HYDIN: variants seen among roughly 807,000 people sequenced by gnomAD.
HYDIN encodes axonemal central pair apparatus protein HYDIN.
Under a neutral mutation model 403.9 loss-of-function variants are expected in HYDIN, and 132 were observed. The ratio of observed to expected loss-of-function variants is 0.33; its 90% CI spans 0.28 to 0.38. The LOEUF is 0.38. Among genes scored for constraint, HYDIN ranks in the 10% least tolerant of loss-of-function variants. HYDIN has a pLI of 1.00. For missense variants in HYDIN, 2,827 were observed against 5,009.5 expected, an observed-to-expected ratio of 0.56 and a Z score of 13.15; for synonymous variants, 1,202 against 1,891.7, an observed-to-expected ratio of 0.64 and a Z score of 9.46.
chr16:70,957,252 G>C (rs1424191304), intron 39 of HYDIN, among the ~76,000 whole-genome samples: 2 of 150,838 alleles, frequency 1.3e-5, no homozygotes, highest in Non-Finnish European at 2.9e-5. Flanking sequence ...TTGTCCTTTT[G>C]TGACTGTCCT....
intron 1 of HYDIN, chr16:71,203,579 C>T: frequency 2.7e-6 from 1 of 371,776 alleles, no homozygotes; most frequent in South Asian, 2.1e-5. Flanking sequence ...GTGCCAAGCA[C>T]AGTGAAGTAT....
intron 54 of HYDIN, 46 bp downstream of exon 54, chr16:70,895,935 A>G (rs765355037): frequency 2.3e-5 from 36 of 1,555,198 alleles, no homozygotes; most frequent in East Asian, 1.6e-4. Flanking sequence ...ACACTATACA[A>G]AAGACCCAAC....
At chr16:71,198,091 T>C (rs1269695953) in intron 1 of HYDIN, among the ~76,000 whole-genome samples, 1 of 152,228 alleles carries the variant, frequency 6.6e-6, no homozygotes, top group Non-Finnish European at 1.5e-5. Flanking sequence ...CTTAACATTA[T>C]ACTTTTGCCT....
rs1166151884 is a variant in HYDIN, at chr16:70,892,352, C to T, written c.9417+9G>A. The T allele has an allele frequency of 6.4e-7, 1 of 1,554,010 alleles. No homozygotes were observed. Among genetic ancestry groups the T allele is most frequent in the Non-Finnish European group, 8.7e-7 (1 of 1,155,648 alleles). ...ATTGAGGCAGCCCCTCCCTTTGGAG[C>T]TCTCTTACCTGACAGCGCAGAACAG... On this transcript the variant is annotated intron_variant, in intron 56 of 85. Coordinates refer to ENST00000393567, the MANE Select transcript of HYDIN (RefSeq NM_001270974.2).
At chr16:71,172,038 A>AT (rs1422140224) in intron 5 of HYDIN, among the ~76,000 whole-genome samples, 2 of 152,182 alleles carry the variant, frequency 1.3e-5, no homozygotes, top group African/African-American at 4.8e-5. Context: ...ATTGTGGACA[A>AT]TTTTATGATA....
intron 16 of HYDIN, 37 bp from the exon 17 acceptor site, chr16:71,062,370 A>G (rs767898297): frequency 5.2e-5 from 80 of 1,535,656 alleles, no homozygotes; most frequent in Non-Finnish European, 1.6e-5. Context: ...AGGACAGCAC[A>G]GCATGGAACA....
At chr16:71,059,517 C>T (rs1432604967) in intron 18 of HYDIN, among the ~76,000 whole-genome samples, 3 of 151,874 alleles carry the variant, frequency 2.0e-5, no homozygotes, top group East Asian at 1.9e-4. Flanking sequence ...GAAATCATGT[C>T]CTTTGCAGCA....
chr16:70,956,222 G>T, intron 39 of HYDIN, among the ~76,000 whole-genome samples: 1 of 144,736 alleles, frequency 6.9e-6, no homozygotes. Context: ...AATAACTTGT[G>T]TTGATTTCTT....
In HYDIN at chr16:70,858,042, T is replaced by C. The variant is rs1209699543; in HGVS notation, c.12130-172A>G. ...GGTGTGGCTGTACCAGAAATGTCAA[T>C]GTCTATCTGACCTGCCCACATGTCC... On this transcript the variant is annotated intron_variant, in intron 71 of 85. Transcript: ENST00000393567. 2.6e-5 allele frequency among the ~76,000 whole-genome samples: 4 copies of C among 152,334 alleles called. No homozygotes were observed. The East Asian group carries it at 5.8e-4, about 22-fold the overall frequency.
intron 1 of HYDIN, among the ~76,000 whole-genome samples, chr16:71,198,291 G>A (rs2087807931): frequency 6.6e-6 from 1 of 152,122 alleles, no homozygotes; most frequent in African/African-American, 2.4e-5. Context: ...TTTCCAACTT[G>A]AGGTTGTTTC....
chr16:70,930,462 C>T (rs1286140718), intron 45 of HYDIN, among the ~76,000 whole-genome samples: 2 of 151,838 alleles, frequency 1.3e-5, no homozygotes, highest in East Asian at 1.9e-4. Flanking sequence ...GCCTAGGCGA[C>T]TGAGTGAGAC....
intron 6 of HYDIN, among the ~76,000 whole-genome samples, chr16:71,158,407 T>A (rs2085862968): frequency 6.6e-6 from 1 of 152,078 alleles, no homozygotes; most frequent in South Asian, 2.1e-4. Flanking sequence ...GATAGAAAGA[T>A]TTTATATTTT....
chr16:71,176,254 G>A (rs532901984), intron 4 of HYDIN, among the ~76,000 whole-genome samples: 10 of 150,122 alleles, frequency 6.7e-5, no homozygotes, highest in South Asian at 2.1e-4. Flanking sequence ...CCAGTGAGCC[G>A]AGATCGGGCC....
intron 1 of HYDIN, among the ~76,000 whole-genome samples, chr16:71,194,539 T>C (rs2087598138): frequency 6.6e-6 from 1 of 152,242 alleles, no homozygotes; most frequent in Non-Finnish European, 1.5e-5. Flanking sequence ...TTTAAATCTT[T>C]TTTAGCCTCA....
At chr16:71,040,062 T>C (rs1391041026) in intron 18 of HYDIN, among the ~76,000 whole-genome samples, 3 of 151,324 alleles carry the variant, frequency 2.0e-5, no homozygotes, top group Non-Finnish European at 3.0e-5. Flanking sequence ...AGTTTGCTCC[T>C]GCTGGCACCC....
chr16:71,230,379 C>T (rs1195459258), intron 1 of HYDIN, among the ~76,000 whole-genome samples, 183 bp downstream of exon 1: 1 of 152,090 alleles, frequency 6.6e-6, no homozygotes, highest in Admixed American at 6.5e-5. Flanking sequence ...AACAAAAATC[C>T]GAGGTCCCGT....
At position 70,806,561 on chromosome 16, in the gene HYDIN, C is replaced by G. The variant is rs2035115847; in HGVS notation, c.*1019G>C. Among the ~76,000 whole-genome samples the G allele has an allele frequency of 6.6e-6, 1 of 152,120 alleles. No homozygotes were observed. Among genetic ancestry groups the G allele is most frequent in the African/African-American group, 2.4e-5 (1 of 41,424 alleles). ...TTTAATAAATTCCCAGGTGATAGTA[C>G]TGCTGCTGGCCCAGGGACCATTTTT... On this transcript the variant is annotated 3_prime_UTR_variant, in exon 86 of 86. Coordinates refer to ENST00000393567, the MANE Select transcript of HYDIN (RefSeq NM_001270974.2).
At chr16:70,836,883 GA>G (rs938662870) in intron 77 of HYDIN, among the ~76,000 whole-genome samples, 1 of 152,194 alleles carries the variant, frequency 6.6e-6, no homozygotes, top group Non-Finnish European at 1.5e-5. Context: ...GAAAATGAAT[GA>G]ATCAATGGCA....
intron 30 of HYDIN, among the ~76,000 whole-genome samples, chr16:70,976,371 A>T (rs1357538449): frequency 6.6e-6 from 1 of 151,432 alleles, no homozygotes; most frequent in African/African-American, 2.4e-5. Context: ...TTGTGGATAG[A>T]TTTTCTGGGT....
Sources: gnomAD v4.1 joint callset for allele counts (sites outside exome capture counted in the v4.1 genomes callset) on GRCh38, gnomAD v4.1.1 for gene constraint, MANE v1.5 for transcripts, NCBI Gene and HGNC (gene_info 2026-07-23, HGNC 2026-07-21) for gene names.